Variants in MCMDC2 observed in about 807,000 individuals in gnomAD.
MCMDC2 encodes the protein minichromosome maintenance domain containing 2.
In MCMDC2, 54 loss-of-function variants were observed where a neutral mutation model predicts 75.8. That is an observed-to-expected ratio of 0.71 (90% CI 0.57 to 0.89). The LOEUF is 0.89. Ranked by LOEUF, MCMDC2 falls within the 40% of genes least tolerant of loss-of-function variation. MCMDC2 has a pLI of 0.00. For missense variants in MCMDC2, 656 were observed against 780.4 expected (o/e 0.84, Z 1.90); for synonymous variants, 249 against 274.6 (o/e 0.91, Z 0.92).
At position 66,901,303 on chromosome 8, in the gene MCMDC2, G is replaced by A. The variant is rs753983212; in HGVS notation, c.1724G>A (p.Gly575Asp). The change falls in exon 13 of 15, where the codon GGC (glycine) becomes GAC (aspartate). Residue 575 changes from glycine (G) to aspartate (D), a missense_variant. Physicochemically the swap from Gly to Asp is moderately conservative, Grantham distance 94. Coordinates refer to ENST00000422365, the MANE Select transcript of MCMDC2 (RefSeq NM_173518.5). ...CTAGCAAGTCGCAGAATCAGAACAG[G>A]CTCTGTATGTGGATCAAAGCTGTCA... Reference protein sequence around the residue: ...YYLASRRIRTGSVCGSKLSAS... With the variant: ...YYLASRRIRTDSVCGSKLSAS... The A allele has an allele frequency of 3.1e-6, 5 of 1,613,822 alleles. No individual in the cohort carries two copies. The highest frequency in any genetic ancestry group is 4.2e-6 in the Non-Finnish European group (5 of 1,179,814).
At position 66,877,656 on chromosome 8, in the gene MCMDC2, G is replaced by C. The variant is rs963194005; in HGVS notation, c.481+112G>C. On this transcript the variant is annotated intron_variant, in intron 5 of 14. Coordinates refer to ENST00000422365, the MANE Select transcript of MCMDC2 (RefSeq NM_173518.5). ...GAGGAGGGAGGATCACCTGAGCTCA[G>C]GAGTTTGAGACCAGCCTGGGCAACA... 29 of 725,538 alleles carry C rather than the reference G, an allele frequency of 4.0e-5. 1 individual carries two copies. In the South Asian group the frequency reaches 6.0e-4, roughly 15 times the overall value. 44.9% of individuals were successfully genotyped at this position (725,538 alleles called of 1,614,324 possible).
chr8:66,886,646 G>A (rs926933847), intron 9 of MCMDC2, among the ~76,000 whole-genome samples: 5 of 152,024 alleles, frequency 3.3e-5, no homozygotes, highest in African/African-American at 4.8e-5. Context: ...GGTGGCATGC[G>A]CCTGTAGACC....
At chr8:66,923,239 G>A (rs1813617626), downstream of MCMDC2, among the ~76,000 whole-genome samples, 1 of 152,028 alleles carries the variant, frequency 6.6e-6, no homozygotes, top group Non-Finnish European at 1.5e-5. Flanking sequence ...TTCAGAGCAG[G>A]GATACCTATA....
intron 1 of MCMDC2, among the ~76,000 whole-genome samples, chr8:66,873,714 C>T (rs779112047): frequency 2.0e-5 from 3 of 151,972 alleles, no homozygotes; most frequent in Non-Finnish European, 2.9e-5. Flanking sequence ...AATGAAACCC[C>T]ATCTCTACTA....
Position 66,890,954 on chromosome 8 carries a change from A to G in MCMDC2, c.1163A>G (p.Tyr388Cys). The G allele has an allele frequency of 1.2e-6, 2 of 1,613,838 alleles. No homozygotes were observed. Among genetic ancestry groups the G allele is most frequent in the Non-Finnish European group, 8.5e-7 (1 of 1,179,928 alleles). The change falls in exon 10 of 15, where the codon TAT (tyrosine) becomes TGT (cysteine). Residue 388 changes from tyrosine to cysteine, a missense_variant. Transcript: ENST00000422365. ...EIFPTLSRNK[Y>C]GTGAVSIQAG... ...TTTCCCACTCTATCCAGGAATAAGT[A>G]TGGAACTGGAGCAGTTAGCATTCAG...
intron 14 of MCMDC2, among the ~76,000 whole-genome samples, chr8:66,911,776 T>C (rs893620513): frequency 2.0e-5 from 3 of 151,582 alleles, no homozygotes; most frequent in East Asian, 1.9e-4. Context: ...TGAGCCGAGA[T>C]TGCACCATTG....
intron 14 of MCMDC2, among the ~76,000 whole-genome samples, chr8:66,915,658 GAT>G (rs994409690): frequency 7.3e-5 from 11 of 151,496 alleles, no homozygotes; most frequent in Non-Finnish European, 1.2e-4. Flanking sequence ...TCAATAGAGA[GAT>G]AAAAGAATCT....
intron 5 of MCMDC2, 36 bp downstream of exon 5, chr8:66,877,580 A>G: frequency 6.7e-7 from 1 of 1,502,214 alleles, no homozygotes; most frequent in East Asian, 2.3e-5. Flanking sequence ...GCATTAAGCA[A>G]TTGGCTAGGC....
In MCMDC2 at chr8:66,905,244, C is replaced by A; in HGVS notation, c.1788C>A (p.Ala596=). The stretch of plus-strand genomic sequence containing the variant: ...TTTTTAGCGTTTTCCTATCTGAAGC[C>A]CATGCACGACTGAACTTAAGGAACA... ...ALKYLVFLSE[A]HARLNLRNKV... Residue 596 remains alanine, a synonymous_variant, in exon 14 of 15, where the codon GCC becomes GCA. Coordinates refer to ENST00000422365, the MANE Select transcript of MCMDC2 (RefSeq NM_173518.5). 6.8e-7 allele frequency: 1 copy of A among 1,462,450 alleles called. No individual in the cohort carries two copies. Among genetic ancestry groups the A allele is most frequent in the Non-Finnish European group, 9.1e-7 (1 of 1,104,430 alleles). 90.6% of individuals were successfully genotyped at this position (1,462,450 alleles called of 1,614,324 possible). A position where few individuals can be genotyped will look rare whatever the true frequency, so the allele number is the denominator to read the frequency against.
intron 9 of MCMDC2, among the ~76,000 whole-genome samples, chr8:66,888,381 C>G (rs1811942497): frequency 6.6e-6 from 1 of 152,134 alleles, no homozygotes; most frequent in African/African-American, 2.4e-5. Flanking sequence ...TGAGCCCAGC[C>G]AAATCAGTAT....
chr8:66,872,978 AAC>A (rs1297374850), intron 1 of MCMDC2, among the ~76,000 whole-genome samples: 12 of 151,382 alleles, frequency 7.9e-5, no homozygotes, highest in African/African-American at 2.9e-4. Context: ...AAAAAAAAAA[AAC>A]AACCTGGTAA....
At chr8:66,873,012 A>G (rs1247090825) in intron 1 of MCMDC2, among the ~76,000 whole-genome samples, 1 of 151,280 alleles carries the variant, frequency 6.6e-6, no homozygotes, top group African/African-American at 2.4e-5. Context: ...CGTGTTAGTC[A>G]TTATTTCTGA....
chr8:66,921,376 C>G lies in MCMDC2; in HGVS notation c.*2207C>G, dbSNP rs1813526060. ...GCAACAGAACTGCACTTATACCCCC[C>G]AAATCTATACTGAGGGAAGTGACTA... is the stretch of plus-strand genomic sequence containing the variant. On this transcript the variant is annotated 3_prime_UTR_variant, in exon 15 of 15. Transcript: ENST00000422365. 1 of 152,084 alleles carries G rather than the reference C, an allele frequency of 6.6e-6. No individual in the cohort carries two copies. The highest frequency in any genetic ancestry group is 2.1e-4 in the South Asian group (1 of 4,826). The allele number at this position is 152,084 out of a possible 1,614,324, so 9.4% of individuals were successfully genotyped here.
At chr8:66,915,184 CA>C (rs1252705412) in intron 14 of MCMDC2, among the ~76,000 whole-genome samples, 1 of 151,952 alleles carries the variant, frequency 6.6e-6, no homozygotes. Flanking sequence ...AATAAATGGC[CA>C]GGAGCGGTGG....
At chr8:66,897,745 CAT>C (rs1261244503) in intron 12 of MCMDC2, among the ~76,000 whole-genome samples, 1 of 152,174 alleles carries the variant, frequency 6.6e-6, no homozygotes, top group Non-Finnish European at 1.5e-5. Flanking sequence ...ATTATCAAAA[CAT>C]ATGTGACATG....
At chr8:66,903,120 CAAA>C (rs75252833) in intron 13 of MCMDC2, among the ~76,000 whole-genome samples, 30 of 117,180 alleles carry the variant, frequency 2.6e-4, no homozygotes, top group Non-Finnish European at 3.4e-4. Flanking sequence ...GAAACTGTCT[CAAA>C]AAAAAAAAAA....
At chr8:66,892,192 A>G (rs1812139768) in intron 10 of MCMDC2, among the ~76,000 whole-genome samples, 1 of 152,214 alleles carries the variant, frequency 6.6e-6, no homozygotes, top group Non-Finnish European at 1.5e-5. Context: ...TTATAGTGTT[A>G]CAGCTCTGAC....
intron 9 of MCMDC2, among the ~76,000 whole-genome samples, chr8:66,886,375 G>A (rs1232530052): frequency 3.3e-5 from 5 of 151,890 alleles, no homozygotes; most frequent in African/African-American, 2.4e-5. Flanking sequence ...ATATTGGCCC[G>A]GCTAGTCTCG....
intron 13 of MCMDC2, among the ~76,000 whole-genome samples, chr8:66,903,120 CAA>C (rs75252833): frequency 5.1e-5 from 6 of 117,094 alleles, no homozygotes; most frequent in Admixed American, 1.8e-4. Flanking sequence ...GAAACTGTCT[CAA>C]AAAAAAAAAA....
Sources: gnomAD v4.1 joint callset for allele counts (sites outside exome capture counted in the v4.1 genomes callset) on GRCh38, gnomAD v4.1.1 for gene constraint, MANE v1.5 for transcripts, NCBI Gene and HGNC (gene_info 2026-07-23, HGNC 2026-07-21) for gene names.